MTNR1A: variants seen among roughly 807,000 people sequenced by gnomAD.
MTNR1A encodes melatonin receptor 1A.
Under a neutral mutation model 5.5 loss-of-function variants are expected in MTNR1A, and 7 were observed. The observed-to-expected ratio is 1.28, with a 90% CI of 0.73 to 2.40. The LOEUF is 2.40. MTNR1A is among the 30% of genes most tolerant of loss of function. The pLI is 0.00. For missense variants in MTNR1A, 441 were observed against 464.4 expected (o/e 0.95, Z 0.46); for synonymous variants, 196 against 202.7 (o/e 0.97, Z 0.28).
intron 1 of MTNR1A, among the ~76,000 whole-genome samples, chr4:186,539,009 G>A (rs915182067): frequency 2.0e-5 from 3 of 152,018 alleles, no homozygotes; most frequent in Non-Finnish European, 2.9e-5. Flanking sequence ...ACGAGGTCAC[G>A]AGATCAAGAC....
chr4:186,544,731 G>A (rs142379613), intron 1 of MTNR1A, among the ~76,000 whole-genome samples: 1,698 of 152,268 alleles, frequency 0.011, 26 homozygotes, highest in African/African-American at 0.039. Flanking sequence ...TCTGCGTGTG[G>A]GTTAGCAGGG....
rs781596329 is a variant in MTNR1A at position 186,534,044 on chromosome 4, T to A, written c.698A>T (p.Asp233Val). The A allele has an allele frequency of 1.2e-6, 2 of 1,614,058 alleles. No homozygotes were observed. Among genetic ancestry groups the A allele is most frequent in the Non-Finnish European group, 1.7e-6 (2 of 1,180,026 alleles). Residue 233 changes from aspartate to valine, a missense_variant, in exon 2 of 2, where the codon GAC (aspartate) becomes GTC (valine). By Grantham distance (152) the Asp-to-Val change is radical. Transcript: ENST00000307161. ...AAACATGGTGACAAAATTCCTGAAG[T>A]CCTGTGGTTTCAGTTTGGGTTTGCG... is the stretch of plus-strand genomic sequence containing the variant. ...PDRKPKLKPQ[D>V]FRNFVTMFVV...
rs1737344896 is a variant in MTNR1A at position 186,555,170 on chromosome 4, C to G, written c.184+12G>C. The G allele has an allele frequency of 6.3e-7, 1 of 1,586,504 alleles. No individual in the cohort carries two copies. The highest frequency in any genetic ancestry group is 1.3e-5 in the African/African-American group (1 of 74,558). ...CGGAGCGCTGGCCCAGGGGAGGCGG[C>G]GCGGGCCCTACCTGCGTTCCTGAGC... On this transcript the variant is annotated intron_variant, in intron 1 of 1. Coordinates refer to ENST00000307161, the MANE Select transcript of MTNR1A (RefSeq NM_005958.4). This position sits in a 1 kb window ranked among gnomAD's most constrained non-coding sequence, Gnocchi z 4.1.
chr4:186,536,394 C>A (rs1006129110), intron 1 of MTNR1A, among the ~76,000 whole-genome samples: 2 of 151,622 alleles, frequency 1.3e-5, no homozygotes, highest in African/African-American at 4.8e-5. Flanking sequence ...CTAGAGTAAG[C>A]AGCAGCACCA....
At chr4:186,550,632 G>A (rs1008429075) in intron 1 of MTNR1A, among the ~76,000 whole-genome samples, 1 of 152,114 alleles carries the variant, frequency 6.6e-6, no homozygotes, top group Non-Finnish European at 1.5e-5. Flanking sequence ...TCTAATCTAG[G>A]ACTATTTTAT....
At chr4:186,552,185 G>A (rs1737277954) in intron 1 of MTNR1A, among the ~76,000 whole-genome samples, 1 of 152,180 alleles carries the variant, frequency 6.6e-6, no homozygotes, top group Non-Finnish European at 1.5e-5. Context: ...TCTCAGATCT[G>A]CATTTAATGA....
At position 186,541,271 on chromosome 4, in the gene MTNR1A, G is replaced by A. The variant is rs745644534; in HGVS notation, c.185-6714C>T. 2.0e-3 allele frequency among the ~76,000 whole-genome samples: 309 copies of A among 152,274 alleles called. 1 individual carries two copies. The highest frequency in any genetic ancestry group is 3.4e-3 in the Non-Finnish European group (233 of 68,014). ...CAAGGATGGAGGAAGACCCTCCCAG[G>A]AAACAGAACTTTGAGCAATGCTTCA... On this transcript the variant is annotated intron_variant, in intron 1 of 1. Coordinates refer to ENST00000307161, the MANE Select transcript of MTNR1A (RefSeq NM_005958.4).
Position 186,533,791 on chromosome 4 carries a change from C to A in MTNR1A, c.951G>T (p.Arg317Ser), listed in dbSNP as rs766155731. Residue 317 changes from arginine (R) to serine (S), a missense_variant, in exon 2 of 2, where the codon AGG becomes AGT. By Grantham distance (110) the Arg-to-Ser change is moderately radical. Coordinates refer to ENST00000307161, the MANE Select transcript of MTNR1A (RefSeq NM_005958.4). ...CGTTAGAGCTGTCCACAAAGAACAC[C>A]CTGGCTGTACAGAGCGAGACTATAA... ...RRIIVSLCTA[R>S]VFFVDSSNDV... 1.2e-6 allele frequency: 2 copies of A among 1,614,202 alleles called. No homozygotes were observed. Among genetic ancestry groups the A allele is most frequent in the Non-Finnish European group, 1.7e-6 (2 of 1,180,042 alleles).
Position 186,555,105 on chromosome 4 carries a change from G to T in MTNR1A, c.184+77C>A. 1.4e-6 allele frequency: 2 copies of T among 1,436,212 alleles called. No homozygotes were observed. Among genetic ancestry groups the T allele is most frequent in the Non-Finnish European group, 1.9e-6 (2 of 1,043,780 alleles). The allele number at this position is 1,436,212 out of a possible 1,614,324, so 89.0% of individuals were successfully genotyped here. ...CAGTGTTTAGGAAAAAGAACCAAGTGCTTGGGGAAGGCTGGCTGCCCGCGG... is the reference window on the plus strand; with the variant it reads ...CAGTGTTTAGGAAAAAGAACCAAGTTCTTGGGGAAGGCTGGCTGCCCGCGG... On this transcript the variant is annotated intron_variant, in intron 1 of 1. Coordinates refer to ENST00000307161, the MANE Select transcript of MTNR1A (RefSeq NM_005958.4). The surrounding 1 kb of genome is among the most constrained non-coding windows in gnomAD (Gnocchi z 4.1).
rs139659060 is a variant in MTNR1A, at chr4:186,533,836, G to A, written c.906C>T (p.Phe302=). The change falls in exon 2 of 2, where the codon TTC becomes TTT. Residue 302 remains phenylalanine (F), a synonymous_variant. Coordinates refer to ENST00000307161, the MANE Select transcript of MTNR1A (RefSeq NM_005958.4). Reference sequence around the variant, plus strand: ...CTATAATTCTCCTGTATTCCTTCCTGAAATTTTGGTTCAGTAGCCCGTATA... The same window carrying A: ...CTATAATTCTCCTGTATTCCTTCCTAAAATTTTGGTTCAGTAGCCCGTATA... ...AIIYGLLNQN[F]RKEYRRIIVS... The A allele has an allele frequency of 1.4e-5, 23 of 1,614,028 alleles. No homozygotes were observed. The highest frequency in any genetic ancestry group is 1.9e-5 in the Non-Finnish European group (23 of 1,180,046).
intron 1 of MTNR1A, among the ~76,000 whole-genome samples, chr4:186,553,087 G>T (rs561333627): frequency 6.6e-6 from 1 of 152,320 alleles, no homozygotes; most frequent in South Asian, 2.1e-4. Context: ...ATGGTTCAAA[G>T]CCTAGATGCC....
intron 1 of MTNR1A, among the ~76,000 whole-genome samples, chr4:186,543,739 A>G (rs1737078372): frequency 1.3e-5 from 2 of 152,342 alleles, no homozygotes; most frequent in Middle Eastern, 3.4e-3. Context: ...AAGAGGGTTA[A>G]TGTATTTTCA....
intron 1 of MTNR1A, among the ~76,000 whole-genome samples, chr4:186,551,266 G>T (rs1349614621): frequency 1.3e-5 from 2 of 152,278 alleles, no homozygotes; most frequent in Middle Eastern, 3.4e-3. Context: ...AGGCCTTCTT[G>T]CTGCAGAGAG....
chr4:186,550,783 G>A (rs1737252261), intron 1 of MTNR1A, among the ~76,000 whole-genome samples: 4 of 152,140 alleles, frequency 2.6e-5, no homozygotes, highest in Admixed American at 2.0e-4. Context: ...CTGGAGGAAC[G>A]AAAGATCAGA....
At position 186,533,963 on chromosome 4, in the gene MTNR1A, G is replaced by A. The variant is rs1489698455; in HGVS notation, c.779C>T (p.Ala260Val). 3.7e-6 allele frequency: 6 copies of A among 1,614,140 alleles called. No individual in the cohort carries two copies. In the Admixed American group the frequency reaches 6.7e-5, roughly 18 times the overall value. The change falls in exon 2 of 2, where the codon GCC (alanine) becomes GTC (valine). Residue 260 changes from alanine (A) to valine (V), a missense_variant. Transcript: ENST00000307161. The stretch of plus-strand genomic sequence containing the variant: ...CATGCTGGCGGGGTCAGAGGCCACG[G>A]CCAGGCCAATGAAGTTCAGAGGAGC... ...CWAPLNFIGL[A>V]VASDPASMVP...
intron 1 of MTNR1A, among the ~76,000 whole-genome samples, chr4:186,548,178 T>C (rs1190496167): frequency 3.3e-5 from 5 of 152,304 alleles, no homozygotes; most frequent in South Asian, 4.1e-4. Flanking sequence ...TTCCGAACCT[T>C]GAAGGACTCA....
At chr4:186,544,354 G>A (rs1281124161) in intron 1 of MTNR1A, among the ~76,000 whole-genome samples, 1 of 152,166 alleles carries the variant, frequency 6.6e-6, no homozygotes, top group African/African-American at 2.4e-5. Context: ...TTTTATGCTA[G>A]ATATGCCGTT....
At chr4:186,535,603 G>T (rs577864536) in intron 1 of MTNR1A, among the ~76,000 whole-genome samples, 1 of 152,224 alleles carries the variant, frequency 6.6e-6, no homozygotes, top group East Asian at 1.9e-4. Flanking sequence ...TAGAGACGGG[G>T]TTTTGCCATT....
intron 1 of MTNR1A, among the ~76,000 whole-genome samples, chr4:186,535,366 A>G (rs532938227): frequency 6.6e-6 from 1 of 151,888 alleles, no homozygotes; most frequent in South Asian, 2.1e-4. Flanking sequence ...CTCAATTAAT[A>G]TAACAACACA....
Sources: gnomAD v4.1 joint callset for allele counts (sites outside exome capture counted in the v4.1 genomes callset) on GRCh38, gnomAD v4.1.1 for gene constraint, Gnocchi (gnomAD v3.1) non-coding constraint, MANE v1.5 for transcripts, NCBI Gene and HGNC (gene_info 2026-07-23, HGNC 2026-07-21) for gene names.